The following TBX4 variants were observed in gnomAD, a reference collection of about 807,000 sequenced individuals.
TBX4 encodes the protein T-box transcription factor 4, also known as T-box transcription factor TBX4.
A neutral mutation model predicts 54.6 loss-of-function variants in TBX4; 13 were observed. That is an observed-to-expected ratio of 0.24 (90% confidence interval 0.15 to 0.38). The LOEUF (loss-of-function observed/expected upper bound fraction) is 0.38. TBX4 is among the 10% of genes least tolerant of loss of function. TBX4 has a pLI of 1.00. For missense variants in TBX4, 631 were observed against 728.5 expected, an observed-to-expected ratio of 0.87 and a Z score of 1.54; for synonymous variants, 314 against 306.7, an observed-to-expected ratio of 1.02 and a Z score of -0.25.
At chr17:61,473,652 C>G (rs2060597205) in intron 5 of TBX4, among the ~76,000 whole-genome samples, 1 of 152,244 alleles carries the variant, frequency 6.6e-6, no homozygotes, top group Admixed American at 6.5e-5. Flanking sequence ...GGCTTGGAAA[C>G]TAGTACCAAT....
At chr17:61,463,895 C>T (rs1603250371) in intron 3 of TBX4, among the ~76,000 whole-genome samples, 1 of 152,152 alleles carries the variant, frequency 6.6e-6, no homozygotes, top group East Asian at 1.9e-4. Flanking sequence ...CTGCTGCCCT[C>T]CCTGCTTCAG....
Position 61,457,689 on chromosome 17 carries a change from A to T in TBX4, c.281+58A>T. 1 of 1,551,062 alleles carries T rather than the reference A, an allele frequency of 6.4e-7. No homozygotes were observed. The highest frequency in any genetic ancestry group is 8.9e-7 in the Non-Finnish European group (1 of 1,127,102). ...CGGTGGGGAGCAAGGGGGGCCAGGG[A>T]GGTCCCTTAGAAGTCCTCTCGGCCC... On this transcript the variant is annotated intron_variant, in intron 3 of 8. Transcript: ENST00000644296. This position sits in a 1 kb window ranked among gnomAD's most constrained non-coding sequence, Gnocchi z 8.2.
intron 5 of TBX4, among the ~76,000 whole-genome samples, chr17:61,477,968 AAAAG>A (rs911248882): frequency 5.3e-5 from 8 of 152,020 alleles, no homozygotes; most frequent in South Asian, 2.1e-4. Flanking sequence ...AAGAAAAAGA[AAAAG>A]AAAGAAAGAA....
At position 61,465,956 on chromosome 17, in the gene TBX4, G is replaced by T. The variant is rs540809943; in HGVS notation, c.401+18G>T. ...AACAAATGGTAAGTGGACCCTGACC[G>T]CATCACCCACGTTCCCTCAACTGCC... On this transcript the variant is annotated intron_variant, in intron 4 of 8. Coordinates refer to ENST00000644296, the MANE Select transcript of TBX4 (RefSeq NM_001321120.2). The surrounding 1 kb of genome is among the most constrained non-coding windows in gnomAD (Gnocchi z 4.9). 4 of 1,613,114 alleles carry T rather than the reference G, an allele frequency of 2.5e-6. No homozygotes were observed. Among genetic ancestry groups the T allele is most frequent in the African/African-American group, 2.7e-5 (2 of 75,000 alleles).
In TBX4 at chr17:61,483,774, A is replaced by ATTGT. The variant is rs926978079; in HGVS notation, c.*260_*263dup. On this transcript the variant is annotated 3_prime_UTR_variant, in exon 9 of 9. Transcript: ENST00000644296. The surrounding 1 kb of genome is among the most constrained non-coding windows in gnomAD (Gnocchi z 6.6). Reference sequence around the variant, plus strand: ...GATTTTGGCTGCAGGACCTGGGTCTATTGTTATCTGACATCTCTTGACATG... The same window carrying ATTGT: ...GATTTTGGCTGCAGGACCTGGGTCTATTGTTTGTTATCTGACATCTCTTGACATG... 5.6e-5 allele frequency: 28 copies of ATTGT among 499,786 alleles called. No homozygotes were observed. Among genetic ancestry groups the ATTGT allele is most frequent in the African/African-American group, 4.3e-4 (22 of 51,420 alleles). 31.0% of individuals were successfully genotyped at this position (499,786 alleles called of 1,614,324 possible).
In TBX4 at chr17:61,472,212, T is replaced by C. The variant is rs2060585292; in HGVS notation, c.549+4555T>C. Among the ~76,000 whole-genome samples, 1 of 152,182 alleles carries C rather than the reference T, an allele frequency of 6.6e-6. No homozygotes were observed. Among genetic ancestry groups the C allele is most frequent in the Non-Finnish European group, 1.5e-5 (1 of 68,038 alleles). ...TGAGATAAATGGCCTGTTCAAAGGG[T>C]ACGTGGATTTGTAACTTTGAAAATA... On this transcript the variant is annotated intron_variant, in intron 5 of 8. Coordinates refer to ENST00000644296, the MANE Select transcript of TBX4 (RefSeq NM_001321120.2). This position sits in a 1 kb window ranked among gnomAD's most constrained non-coding sequence, Gnocchi z 4.5.
At chr17:61,471,307 A>G (rs2060576300) in intron 5 of TBX4, among the ~76,000 whole-genome samples, 1 of 152,238 alleles carries the variant, frequency 6.6e-6, no homozygotes, top group Non-Finnish European at 1.5e-5. Context: ...TCCTCATTCC[A>G]TGCTGTCAGA....
At chr17:61,471,744 A>G (rs1019811946) in intron 5 of TBX4, among the ~76,000 whole-genome samples, 6 of 152,042 alleles carry the variant, frequency 3.9e-5, no homozygotes, top group African/African-American at 1.2e-4. Flanking sequence ...AATTTCTTTG[A>G]GATAGAGTTT....
Position 61,485,063 on chromosome 17 carries a change from A to G in TBX4, c.*1547A>G, listed in dbSNP as rs1190083289. 1.3e-5 allele frequency: 2 copies of G among 151,942 alleles called. No individual in the cohort carries two copies. Among genetic ancestry groups the G allele is most frequent in the East Asian group, 3.8e-4 (2 of 5,202 alleles). The allele number at this position is 151,942 out of a possible 1,614,324, so 9.4% of individuals were successfully genotyped here. A position where few individuals can be genotyped will look rare whatever the true frequency, so the allele number is the denominator to read the frequency against. On this transcript the variant is annotated 3_prime_UTR_variant, in exon 9 of 9. Coordinates refer to ENST00000644296, the MANE Select transcript of TBX4 (RefSeq NM_001321120.2). The surrounding 1 kb of genome is among the most constrained non-coding windows in gnomAD (Gnocchi z 4.6). ...TCAAGTGTTTTGTTATATAGCATGGATGTTTTATTTTGCATATCGGAACAT... is the reference window on the plus strand; with the variant it reads ...TCAAGTGTTTTGTTATATAGCATGGGTGTTTTATTTTGCATATCGGAACAT...
rs34495182 is a variant in TBX4 at position 61,479,958 on chromosome 17, C to T, written c.780C>T (p.Ala260=). ...GTGATGACAGTGACCTGCGTGTGGCCCGACTGCAGAGGTGGGGCTGCGTAG... is the reference window on the plus strand; with the variant it reads ...GTGATGACAGTGACCTGCGTGTGGCTCGACTGCAGAGGTGGGGCTGCGTAG... ...RGSDDSDLRV[A]RLQSKEYPVI... Residue 260 remains alanine, a synonymous_variant, in exon 7 of 9, where the codon GCC becomes GCT. Coordinates refer to ENST00000644296, the MANE Select transcript of TBX4 (RefSeq NM_001321120.2). This position sits in a 1 kb window ranked among gnomAD's most constrained non-coding sequence, Gnocchi z 6.1. 5.1e-4 allele frequency: 830 copies of T among 1,613,982 alleles called. 4 individuals carry two copies. The African/African-American group carries it at 0.01, about 20-fold the overall frequency.
At position 61,478,410 on chromosome 17, in the gene TBX4, T is replaced by C; in HGVS notation, c.550-217T>C. 1.6e-6 allele frequency: 1 copy of C among 612,408 alleles called. No individual in the cohort carries two copies. The highest frequency in any genetic ancestry group is 1.9e-5 in the South Asian group (1 of 51,668). The allele number at this position is 612,408 out of a possible 1,614,324, so 37.9% of individuals were successfully genotyped here. ...AGGAGGGCCTGGAGCTGGGCATTAG[T>C]GCTGGTGCAGAGAGGCTAAGTAGGG... On this transcript the variant is annotated intron_variant, in intron 5 of 8. Transcript: ENST00000644296. This position sits in a 1 kb window ranked among gnomAD's most constrained non-coding sequence, Gnocchi z 7.4.
intron 3 of TBX4, among the ~76,000 whole-genome samples, chr17:61,458,487 T>C (rs1262892955): frequency 6.6e-6 from 1 of 151,564 alleles, no homozygotes; most frequent in Non-Finnish European, 1.5e-5. Flanking sequence ...TGAGGACAGA[T>C]TAGGTGTGAA....
rs1009817890 is a variant in TBX4 at position 61,459,612 on chromosome 17, C to T, written c.281+1981C>T. ...CTGCATGGGTCCTCCTCCTCCCTCTCCCAACACATACACTTATACACATAC... is the reference window on the plus strand; with the variant it reads ...CTGCATGGGTCCTCCTCCTCCCTCTTCCAACACATACACTTATACACATAC... On this transcript the variant is annotated intron_variant, in intron 3 of 8. Coordinates refer to ENST00000644296, the MANE Select transcript of TBX4 (RefSeq NM_001321120.2). The surrounding 1 kb of genome is among the most constrained non-coding windows in gnomAD (Gnocchi z 4.8). Among the ~76,000 whole-genome samples, 3 of 152,212 alleles carry T rather than the reference C, an allele frequency of 2.0e-5. No individual in the cohort carries two copies. Among genetic ancestry groups the T allele is most frequent in the Non-Finnish European group, 2.9e-5 (2 of 68,034 alleles).
rs771639735 is a variant in TBX4, at chr17:61,456,533, C to A, written c.43C>A (p.Arg15=). 1 of 1,559,432 alleles carries A rather than the reference C, an allele frequency of 6.4e-7. No individual in the cohort carries two copies. Among genetic ancestry groups the A allele is most frequent in the Non-Finnish European group, 8.7e-7 (1 of 1,152,386 alleles). Residue 15 remains arginine (R), a synonymous_variant, in exon 2 of 9, where the codon CGG becomes AGG. Coordinates refer to ENST00000644296, the MANE Select transcript of TBX4 (RefSeq NM_001321120.2). The stretch of plus-strand genomic sequence containing the variant: ...CCTGTCCGAGAGCGAGGAGGCCTTC[C>A]GGGCCCCGGGCCCAGCGCTCGGAGA... ...KGLSESEEAF[R]APGPALGEAS...
At chr17:61,456,755 A>G in intron 2 of TBX4, 79 bp downstream of exon 2, 1 of 1,166,778 alleles carries the variant, frequency 8.6e-7, no homozygotes, top group Non-Finnish European at 1.1e-6. Context: ...TTTCCGTCCG[A>G]TTGTCGGCAG....
In TBX4 at chr17:61,483,894, C is replaced by T; in HGVS notation, c.*378C>T. ...CAGGGGCCAGGTGGGGAGTTCTCTC[C>T]CATGGGGAAAGATTCTCACTGCTGG... On this transcript the variant is annotated 3_prime_UTR_variant, in exon 9 of 9. Transcript: ENST00000644296. The surrounding 1 kb of genome is among the most constrained non-coding windows in gnomAD (Gnocchi z 6.6). 3.7e-6 allele frequency: 1 copy of T among 273,404 alleles called. No individual in the cohort carries two copies. The highest frequency in any genetic ancestry group is 1.3e-3 in the Middle Eastern group (1 of 778). The allele number at this position is 273,404 out of a possible 1,614,324, so 16.9% of individuals were successfully genotyped here. A position where few individuals can be genotyped will look rare whatever the true frequency, so the allele number is the denominator to read the frequency against.
rs2060613323 is a variant in TBX4, at chr17:61,475,427, A to G, written c.550-3200A>G. 6.6e-6 allele frequency among the ~76,000 whole-genome samples: 1 copy of G among 152,206 alleles called. No individual in the cohort carries two copies. The highest frequency in any genetic ancestry group is 1.5e-5 in the Non-Finnish European group (1 of 68,042). On this transcript the variant is annotated intron_variant, in intron 5 of 8. Transcript: ENST00000644296. This position sits in a 1 kb window ranked among gnomAD's most constrained non-coding sequence, Gnocchi z 5.0. Reference sequence around the variant, plus strand: ...TTCCTGAATTTCCCAGAAGGTTCTGAGCAGGGGAGTGAACTGATGGGATGT... The same window carrying G: ...TTCCTGAATTTCCCAGAAGGTTCTGGGCAGGGGAGTGAACTGATGGGATGT...
chr17:61,466,688 G>T (rs2060539686), intron 4 of TBX4, among the ~76,000 whole-genome samples: 1 of 152,252 alleles, frequency 6.6e-6, no homozygotes, highest in South Asian at 2.1e-4. Context: ...CCACGTCCTG[G>T]CAAGGGCCAT....
chr17:61,452,843 C>G, intron 1 of TBX4: 1 of 855,054 alleles, frequency 1.2e-6, no homozygotes, highest in South Asian at 5.3e-5. Flanking sequence ...GTCTAGAGAT[C>G]CAAGAGCATA....
Sources: allele counts gnomAD v4.1 joint callset (sites outside exome capture counted in the v4.1 genomes callset), GRCh38; gene constraint gnomAD v4.1.1; non-coding constraint Gnocchi (gnomAD v3.1); transcripts MANE v1.5; gene names NCBI Gene and HGNC (gene_info 2026-07-23, HGNC 2026-07-21).